PDCL2: variants seen among roughly 807,000 people sequenced by gnomAD.
The protein encoded by PDCL2 is phosducin-like protein 2.
A neutral mutation model predicts 30.3 loss-of-function variants in PDCL2; 23 were observed. That is an observed-to-expected ratio of 0.76 (90% CI 0.55 to 1.08). The LOEUF (loss-of-function observed/expected upper bound fraction) is 1.08, where lower values mean the gene tolerates loss of function less well. PDCL2 is among the 50% of genes least tolerant of loss of function. PDCL2 has a pLI of 0.00. For missense variants in PDCL2, 243 were observed against 282.3 expected, an observed-to-expected ratio of 0.86 and a Z score of 1.00; for synonymous variants, 68 against 86.2, an observed-to-expected ratio of 0.79 and a Z score of 1.17.
intron 4 of PDCL2, among the ~76,000 whole-genome samples, chr4:55,563,827 A>T (rs1228585739): frequency 6.6e-6 from 1 of 152,172 alleles, no homozygotes; most frequent in East Asian, 1.9e-4. Flanking sequence ...GGATAGCAAA[A>T]GTGGTGTTGT....
At chr4:55,571,686 C>CAAAAAAAAAAAAAAAAAAA (rs761336707) in intron 3 of PDCL2, among the ~76,000 whole-genome samples, 4 of 36,868 alleles carry the variant, frequency 1.1e-4, no homozygotes, top group African/African-American at 4.7e-4. Context: ...GACTCCATCT[C>CAAAAAAAAAAAAAAAAAAA]AAAAAAAAAA....
At chr4:55,592,004 A>C (rs1733015122) in intron 1 of PDCL2, 100 bp downstream of exon 1, 2 of 1,484,592 alleles carry the variant, frequency 1.3e-6, no homozygotes, top group Admixed American at 4.0e-5. Flanking sequence ...GTTAGAGCCT[A>C]CCTCCTGTGT....
At chr4:55,558,076 G>A (rs542111801) in intron 5 of PDCL2, among the ~76,000 whole-genome samples, 10 of 148,326 alleles carry the variant, frequency 6.7e-5, no homozygotes, top group South Asian at 4.2e-4. Flanking sequence ...GGCCGAGATC[G>A]AGATCGCGCC....
At chr4:55,560,237 T>G (rs1732099135) in intron 5 of PDCL2, among the ~76,000 whole-genome samples, 1 of 150,850 alleles carries the variant, frequency 6.6e-6, no homozygotes, top group South Asian at 2.1e-4. Flanking sequence ...TTTTTGCCCC[T>G]AAGGAAGCAG....
chr4:55,584,544 A>G (rs1732812722), intron 1 of PDCL2, among the ~76,000 whole-genome samples: 1 of 152,140 alleles, frequency 6.6e-6, no homozygotes, highest in Non-Finnish European at 1.5e-5. Flanking sequence ...GGTATGAGCC[A>G]CCATGCCTGG....
intron 1 of PDCL2, among the ~76,000 whole-genome samples, chr4:55,587,344 C>T (rs1054797691): frequency 2.0e-5 from 3 of 151,582 alleles, no homozygotes; most frequent in Admixed American, 1.3e-4. Context: ...AAGGCCCCAC[C>T]TCCTAATACT....
intron 1 of PDCL2, among the ~76,000 whole-genome samples, chr4:55,589,067 G>A (rs1732934487): frequency 6.6e-6 from 1 of 152,060 alleles, no homozygotes. Flanking sequence ...CACCGTGTTA[G>A]CCAGGATGGT....
At chr4:55,575,956 A>G (rs922477560) in intron 3 of PDCL2, among the ~76,000 whole-genome samples, 2 of 152,218 alleles carry the variant, frequency 1.3e-5, no homozygotes, top group African/African-American at 4.8e-5. Context: ...GCTGAAATGA[A>G]AGAGCACCAG....
chr4:55,582,136 A>G lies in PDCL2; in HGVS notation c.108T>C (p.Arg36=), dbSNP rs1476784988. 6.2e-7 allele frequency: 1 copy of G among 1,613,052 alleles called. No individual in the cohort carries two copies. The highest frequency in any genetic ancestry group is 2.2e-5 in the East Asian group (1 of 44,854). Residue 36 remains arginine, a synonymous_variant, in exon 2 of 6, where the codon CGT becomes CGC. Coordinates refer to ENST00000295645, the MANE Select transcript of PDCL2 (RefSeq NM_152401.3). ...SKDEIEEMVL[R]LQKEAMVKPF... is the part of the protein sequence containing the mutation. Reference sequence around the variant, plus strand: ...CCATACCCATTGCTTCTTTCTGTAAACGTAAAACCATTTCTTCAATTTCAT... The same window carrying G: ...CCATACCCATTGCTTCTTTCTGTAAGCGTAAAACCATTTCTTCAATTTCAT...
intron 1 of PDCL2, among the ~76,000 whole-genome samples, chr4:55,588,570 T>C (rs762035139): frequency 1.3e-5 from 2 of 152,222 alleles, no homozygotes; most frequent in Non-Finnish European, 2.9e-5. Context: ...TCAGGACCTC[T>C]TAAGGCTGTG....
At chr4:55,580,735 T>C in intron 3 of PDCL2, 86 bp downstream of exon 3, 1 of 970,750 alleles carries the variant, frequency 1.0e-6, no homozygotes, top group Admixed American at 3.6e-5. Context: ...CTTTGTAAAA[T>C]CTATGTGACA....
chr4:55,566,082 C>T (rs28469692), intron 4 of PDCL2, among the ~76,000 whole-genome samples: 47,245 of 142,400 alleles, frequency 0.33, 7,703 homozygotes, highest in Middle Eastern at 0.46. Flanking sequence ...CAGGTTCAAG[C>T]GATTCTCCTG....
At chr4:55,556,900 C>T (rs1456079320) in intron 5 of PDCL2, among the ~76,000 whole-genome samples, 189 bp from the exon 6 acceptor site, 1 of 152,020 alleles carries the variant, frequency 6.6e-6, no homozygotes. Context: ...GTGGCACAAT[C>T]TTGGCTCACT....
At chr4:55,581,119 AC>A (rs1479063165) in intron 2 of PDCL2, among the ~76,000 whole-genome samples, 2 of 152,108 alleles carry the variant, frequency 1.3e-5, no homozygotes, top group African/African-American at 4.8e-5. Flanking sequence ...ACATGGTGAA[AC>A]CCTATCTCTA....
intron 4 of PDCL2, among the ~76,000 whole-genome samples, chr4:55,567,082 C>T (rs943744613): frequency 6.6e-6 from 1 of 151,170 alleles, no homozygotes; most frequent in Non-Finnish European, 1.5e-5. Flanking sequence ...TATAAATGTC[C>T]GTGTTTCTCA....
intron 1 of PDCL2, among the ~76,000 whole-genome samples, chr4:55,588,747 C>T (rs1304213244): frequency 6.6e-6 from 1 of 152,110 alleles, no homozygotes; most frequent in Non-Finnish European, 1.5e-5. Context: ...TTAACTGTTG[C>T]CCATTTAATG....
chr4:55,591,775 C>T (rs142840636), intron 1 of PDCL2, among the ~76,000 whole-genome samples: 5 of 152,198 alleles, frequency 3.3e-5, no homozygotes, highest in African/African-American at 1.2e-4. Context: ...AATTGAATTA[C>T]ACTTGGGCTA....
intron 5 of PDCL2, among the ~76,000 whole-genome samples, chr4:55,558,381 C>CT (rs1411115912): frequency 6.6e-6 from 1 of 152,060 alleles, no homozygotes; most frequent in African/African-American, 2.4e-5. Flanking sequence ...TTATAAGGGG[C>CT]TTTTTCCCCA....
intron 5 of PDCL2, among the ~76,000 whole-genome samples, chr4:55,557,415 A>T (rs1386020739): frequency 6.6e-6 from 1 of 152,136 alleles, no homozygotes; most frequent in African/African-American, 2.4e-5. Context: ...GAGTTAGAGA[A>T]GGTGAGTGAG....
Sources: allele counts gnomAD v4.1 joint callset (sites outside exome capture counted in the v4.1 genomes callset), GRCh38; gene constraint gnomAD v4.1.1; transcripts MANE v1.5; gene names NCBI Gene and HGNC (gene_info 2026-07-23, HGNC 2026-07-21).